The following ATP6V1B2 variants were observed in gnomAD, a reference collection of about 807,000 sequenced individuals.
ATP6V1B2 encodes ATPase H+ transporting V1 subunit B2.
Under a neutral mutation model 66.7 loss-of-function variants are expected in ATP6V1B2, and 23 were observed. The observed-to-expected ratio is 0.34, with a 90% CI of 0.25 to 0.49. ATP6V1B2 has a LOEUF of 0.49. Among genes scored for constraint, ATP6V1B2 ranks in the 20% least tolerant of loss-of-function variants. The pLI is 0.99. For synonymous variants in ATP6V1B2, 278 were observed against 236.7 expected, an observed-to-expected ratio of 1.17 and a Z score of -1.60; for missense variants, 478 against 650.8, an observed-to-expected ratio of 0.73 and a Z score of 2.89.
At chr8:20,213,311 A>C (rs563712194) in intron 9 of ATP6V1B2, 1 of 188,426 alleles carries the variant, frequency 5.3e-6, no homozygotes, top group South Asian at 9.3e-5. Context: ...TCTCTTCAGC[A>C]CTTTTTTCTT....
At chr8:20,197,931 C>A (rs2072645379) in intron 1 of ATP6V1B2, among the ~76,000 whole-genome samples, 1 of 152,342 alleles carries the variant, frequency 6.6e-6, no homozygotes, top group East Asian at 1.9e-4. Context: ...GGGAACGCCC[C>A]TTCTCCCCTC....
At chr8:20,199,000 C>CA (rs2072656429) in intron 1 of ATP6V1B2, among the ~76,000 whole-genome samples, 1 of 152,156 alleles carries the variant, frequency 6.6e-6, no homozygotes, top group South Asian at 2.1e-4. Context: ...TTGGGTAGAA[C>CA]AGATAGACAT....
chr8:20,206,093 C>G (rs900932210), intron 2 of ATP6V1B2, among the ~76,000 whole-genome samples: 9 of 152,314 alleles, frequency 5.9e-5, no homozygotes, highest in African/African-American at 2.2e-4. Context: ...CTACCACAAC[C>G]TGCAGCAAAT....
intron 2 of ATP6V1B2, among the ~76,000 whole-genome samples, chr8:20,204,755 A>G (rs1334670548): frequency 6.6e-6 from 1 of 152,134 alleles, no homozygotes; most frequent in Non-Finnish European, 1.5e-5. Context: ...ATCCAAGAAA[A>G]TAATTTCCAT....
In ATP6V1B2 at chr8:20,197,426, G is replaced by A. The variant is rs371878324; in HGVS notation, c.20G>A (p.Arg7Gln). 1.3e-6 allele frequency: 2 copies of A among 1,544,044 alleles called. No individual in the cohort carries two copies. Among genetic ancestry groups the A allele is most frequent in the Non-Finnish European group, 1.7e-6 (2 of 1,147,412 alleles). MALRAM[R>Q]GIVNGAAPEL... ...GACAAGATGGCGCTGCGGGCGATGC[G>A]GGGGATTGTCAACGGGGCCGCACCC... is the stretch of plus-strand genomic sequence containing the variant. The change falls in exon 1 of 14, where the codon CGG becomes CAG. Residue 7 changes from arginine (R) to glutamine (Q), a missense_variant. Coordinates refer to ENST00000276390, the MANE Select transcript of ATP6V1B2 (RefSeq NM_001693.4).
chr8:20,204,548 A>G lies in ATP6V1B2; in HGVS notation c.192+9A>G, dbSNP rs1343080657. 1 of 1,606,170 alleles carries G rather than the reference A, an allele frequency of 6.2e-7. No individual in the cohort carries two copies. Among genetic ancestry groups the G allele is most frequent in the Non-Finnish European group, 8.5e-7 (1 of 1,173,318 alleles). ...TCTTAGATCATGTTAAGGTAATACCACTATCTGTTTTGGTCTATTTATGTA... is the reference window on the plus strand; with the variant it reads ...TCTTAGATCATGTTAAGGTAATACCGCTATCTGTTTTGGTCTATTTATGTA... On this transcript the variant is annotated intron_variant, in intron 2 of 13. Transcript: ENST00000276390.
chr8:20,214,735 C>A, intron 9 of ATP6V1B2, 83 bp from the exon 10 acceptor site: 1 of 1,402,200 alleles, frequency 7.1e-7, no homozygotes, highest in Non-Finnish European at 9.4e-7. Flanking sequence ...CAACTTTGTA[C>A]TTTGGCATGT....
chr8:20,208,542 T>A (rs2072760861), intron 2 of ATP6V1B2, among the ~76,000 whole-genome samples: 1 of 152,156 alleles, frequency 6.6e-6, no homozygotes, highest in African/African-American at 2.4e-5. Flanking sequence ...TGCGGAGTGA[T>A]TAGTACGTTG....
rs149154573 is a variant in ATP6V1B2, at chr8:20,217,205, C to T, written c.1162-15C>T. On this transcript the variant is annotated splice_polypyrimidine_tract_variant and intron_variant, in intron 11 of 13. Transcript: ENST00000276390. ...TACTTAAATATAGTATTTTTTCCCT[C>T]TCATTCTACCCAAGATTTATCCACC... 5 of 1,594,274 alleles carry T rather than the reference C, an allele frequency of 3.1e-6. No individual in the cohort carries two copies. Among genetic ancestry groups the T allele is most frequent in the African/African-American group, 2.7e-5 (2 of 74,462 alleles).
intron 1 of ATP6V1B2, among the ~76,000 whole-genome samples, chr8:20,199,604 GTTTTT>G (rs11356003): frequency 8.0e-5 from 7 of 87,598 alleles, no homozygotes; most frequent in Admixed American, 3.1e-4. Flanking sequence ...ATTTTTGTGG[GTTTTT>G]TTTTTTTTTT....
chr8:20,202,042 C>T (rs2072693116), intron 1 of ATP6V1B2, among the ~76,000 whole-genome samples: 1 of 152,192 alleles, frequency 6.6e-6, no homozygotes, highest in African/African-American at 2.4e-5. Flanking sequence ...GCCCTCATGA[C>T]CCATTCCCCT....
At chr8:20,205,711 A>G (rs539520041) in intron 2 of ATP6V1B2, among the ~76,000 whole-genome samples, 1 of 152,344 alleles carries the variant, frequency 6.6e-6, no homozygotes, top group Non-Finnish European at 1.5e-5. Context: ...GGCAAATTAT[A>G]TCAGAATAGA....
chr8:20,212,079 C>G (rs1563811903), intron 7 of ATP6V1B2, 23 bp from the exon 8 acceptor site: 1 of 1,592,620 alleles, frequency 6.3e-7, no homozygotes, highest in Non-Finnish European at 8.6e-7. Flanking sequence ...TCTCCCAGCA[C>G]TGATGAAGTT....
chr8:20,199,854 G>A (rs2072667174), intron 1 of ATP6V1B2, among the ~76,000 whole-genome samples: 1 of 151,970 alleles, frequency 6.6e-6, no homozygotes, highest in Non-Finnish European at 1.5e-5. Context: ...CAGGCAATCC[G>A]CCTACCTAGG....
At chr8:20,201,228 C>T (rs1227479514) in intron 1 of ATP6V1B2, among the ~76,000 whole-genome samples, 1 of 152,198 alleles carries the variant, frequency 6.6e-6, no homozygotes, top group Non-Finnish European at 1.5e-5. Flanking sequence ...ATTCACACAC[C>T]TACGGGCTCA....
chr8:20,217,426 A>G (rs2072867353), intron 12 of ATP6V1B2, 102 bp downstream of exon 12: 12 of 1,065,238 alleles, frequency 1.1e-5, no homozygotes, highest in Admixed American at 1.8e-5. Context: ...TTCCCCATCC[A>G]CATGGAATTT....
In ATP6V1B2 at chr8:20,216,419, C is replaced by G; in HGVS notation, c.1085C>G (p.Thr362Ser). ...PILTMPNDDI[T>S]HPIPDLTGYI... ...AACTGTCTTCCTCTGGTAGATATCA[C>G]TCACCCCATCCCAGACTTGACTGGC... Residue 362 changes from threonine to serine, a missense_variant, in exon 11 of 14, where the codon ACT (threonine) becomes AGT (serine). By Grantham distance (58) the Thr-to-Ser change is moderately conservative. Transcript: ENST00000276390. The G allele has an allele frequency of 6.2e-7, 1 of 1,612,446 alleles. No individual in the cohort carries two copies. Among genetic ancestry groups the G allele is most frequent in the Non-Finnish European group, 8.5e-7 (1 of 1,178,714 alleles).
intron 1 of ATP6V1B2, among the ~76,000 whole-genome samples, chr8:20,203,638 A>G (rs2072708511): frequency 6.6e-6 from 1 of 151,682 alleles, no homozygotes; most frequent in African/African-American, 2.4e-5. Flanking sequence ...AAATTTAGTG[A>G]ATTTTGTAGG....
intron 3 of ATP6V1B2, among the ~76,000 whole-genome samples, chr8:20,209,749 T>C (rs535436181): frequency 1.1e-3 from 162 of 152,294 alleles, no homozygotes; most frequent in Middle Eastern, 3.4e-3. Context: ...ATGGATAAAA[T>C]TAAGTAGTCA....
Sources: gnomAD v4.1 joint callset for allele counts (sites outside exome capture counted in the v4.1 genomes callset) on GRCh38, gnomAD v4.1.1 for gene constraint, MANE v1.5 for transcripts, NCBI Gene and HGNC (gene_info 2026-07-23, HGNC 2026-07-21) for gene names.